Variants in PJA2 observed in about 807,000 individuals in gnomAD.
PJA2 encodes the protein praja ring finger ubiquitin ligase 2.
PJA2 carries 25 observed loss-of-function variants against 69.3 expected under a neutral mutation model. The observed-to-expected ratio is 0.36, with a 90% CI of 0.26 to 0.50. PJA2 has a LOEUF of 0.50. Among genes scored for constraint, PJA2 ranks in the 20% least tolerant of loss-of-function variants. The pLI, the probability that PJA2 is intolerant of heterozygous loss-of-function variation, is 0.96. For synonymous variants in PJA2, 308 were observed against 277.8 expected, an observed-to-expected ratio of 1.11 and a Z score of -1.08; for missense variants, 809 against 830.2, an observed-to-expected ratio of 0.97 and a Z score of 0.31.
chr5:109,379,962 CA>C (rs1486048579), intron 3 of PJA2, among the ~76,000 whole-genome samples: 7 of 151,092 alleles, frequency 4.6e-5, no homozygotes, highest in Non-Finnish European at 1.0e-4. Flanking sequence ...CTTGCATCAC[CA>C]CTAATAAAAA....
At chr5:109,340,623 C>T (rs115097648) in intron 9 of PJA2, among the ~76,000 whole-genome samples, 4,418 of 5,502 alleles carry the variant, frequency 0.8, 1,685 homozygotes, top group Non-Finnish European at 0.82. Context: ...TGGGTCCCTC[C>T]CCCTCCCCCT....
intron 2 of PJA2, among the ~76,000 whole-genome samples, chr5:109,382,330 A>G (rs565473651): frequency 5.3e-5 from 8 of 152,314 alleles, no homozygotes; most frequent in African/African-American, 1.9e-4. Flanking sequence ...AATAAATGGT[A>G]TATGTTATGG....
At chr5:109,358,334 T>G (rs759867289) in intron 6 of PJA2, among the ~76,000 whole-genome samples, 5 of 152,220 alleles carry the variant, frequency 3.3e-5, no homozygotes, top group Non-Finnish European at 5.9e-5. Context: ...GGCCCATCCC[T>G]TCGTTTCCCA....
intron 2 of PJA2, 63 bp downstream of exon 2, chr5:109,383,339 GT>G: frequency 7.1e-7 from 1 of 1,411,554 alleles, no homozygotes; most frequent in East Asian, 2.3e-5. Flanking sequence ...TCACTTACTG[GT>G]ACTCAAGGTA....
At chr5:109,357,663 C>T (rs1164070881) in intron 6 of PJA2, among the ~76,000 whole-genome samples, 1 of 152,192 alleles carries the variant, frequency 6.6e-6, no homozygotes. Flanking sequence ...ATTCAAGTAA[C>T]AGAAGAAACA....
chr5:109,386,063 C>T (rs924070458), intron 1 of PJA2, among the ~76,000 whole-genome samples: 2 of 151,860 alleles, frequency 1.3e-5, no homozygotes, highest in Admixed American at 1.3e-4. Flanking sequence ...CACCTGTAAT[C>T]CCAGCACTTT....
Position 109,337,251 on chromosome 5 carries a change from T to G in PJA2, c.2107A>C (p.Ser703Arg), listed in dbSNP as rs953950186. 6.2e-7 allele frequency: 1 copy of G among 1,613,714 alleles called. No homozygotes were observed. Among genetic ancestry groups the G allele is most frequent in the African/African-American group, 1.3e-5 (1 of 74,886 alleles). The stretch of plus-strand genomic sequence containing the variant: ...AAGGTTTAGGGTGCTTCTGCAATAC[T>G]GTCATTTGAAGGTGGGGCATCAGGA... ...PDPDAPPSND[S>R]IAEAP Residue 703 changes from serine (S) to arginine (R), a missense_variant, in exon 10 of 10, where the codon AGT becomes CGT. By Grantham distance (110) the Ser-to-Arg change is moderately radical. Transcript: ENST00000361189.
At chr5:109,341,123 C>T (rs1490374722) in intron 9 of PJA2, among the ~76,000 whole-genome samples, 1 of 107,978 alleles carries the variant, frequency 9.3e-6, no homozygotes, top group African/African-American at 3.3e-5. Context: ...GTGAGGAGCC[C>T]CTCTGCCTGG....
Position 109,344,827 on chromosome 5 carries a change from A to G in PJA2, c.1765-8T>C. The stretch of plus-strand genomic sequence containing the variant: ...TAAATGGGCCAGAGCAGTCTGAAAA[A>G]CAAAAGGTACAGTTCTTTGTTAGAA... On this transcript the variant is annotated splice_region_variant and splice_polypyrimidine_tract_variant and intron_variant, in intron 7 of 9. Transcript: ENST00000361189. 6.4e-7 allele frequency: 1 copy of G among 1,572,186 alleles called. No homozygotes were observed. The highest frequency in any genetic ancestry group is 8.7e-7 in the Non-Finnish European group (1 of 1,145,376).
rs576321599 is a variant in PJA2, at chr5:109,344,085, G to A, written c.2001+105C>T. On this transcript the variant is annotated intron_variant, in intron 9 of 9. Transcript: ENST00000361189. ...GCACTCCAGCCTAGGTGACAAGAGC[G>A]AAACTTTGTCTCACCAAAAAAAAAA... is the stretch of plus-strand genomic sequence containing the variant. The A allele has an allele frequency of 6.7e-4, 564 of 844,396 alleles. 2 individuals carry two copies. The highest frequency in any genetic ancestry group is 1.9e-3 in the African/African-American group (73 of 39,190). 52.3% of individuals were successfully genotyped at this position (844,396 alleles called of 1,614,324 possible). A position where few individuals can be genotyped will look rare whatever the true frequency, so the allele number is the denominator to read the frequency against.
chr5:109,373,936 A>G (rs1011385831), intron 4 of PJA2, among the ~76,000 whole-genome samples: 3 of 152,182 alleles, frequency 2.0e-5, no homozygotes, highest in African/African-American at 7.2e-5. Context: ...ATAATTCCCC[A>G]AGGTACTTGT....
intron 7 of PJA2, among the ~76,000 whole-genome samples, 198 bp downstream of exon 7, chr5:109,355,717 C>G (rs1762401886): frequency 6.6e-6 from 1 of 152,086 alleles, no homozygotes; most frequent in East Asian, 1.9e-4. Flanking sequence ...CTGAGAAATA[C>G]TGAAATTTAA....
At chr5:109,352,976 GATACCTATATCTATAGATATCTATA>G (rs1463178463) in intron 7 of PJA2, among the ~76,000 whole-genome samples, 15 of 32,566 alleles carry the variant, frequency 4.6e-4, no homozygotes, top group African/African-American at 2.9e-3. Context: ...CTATATATTA[GATACCTATATCTATAGATATCTATA>G]TATTAGATAC....
At chr5:109,365,239 T>C (rs925441580) in intron 5 of PJA2, among the ~76,000 whole-genome samples, 4 of 152,222 alleles carry the variant, frequency 2.6e-5, no homozygotes, top group Non-Finnish European at 5.9e-5. Flanking sequence ...TGTAGTAGTA[T>C]ACAGTAAGTT....
chr5:109,379,016 T>C lies in PJA2; in HGVS notation c.471A>G (p.Gln157=). 6.2e-7 allele frequency: 1 copy of C among 1,614,198 alleles called. No individual in the cohort carries two copies. The highest frequency in any genetic ancestry group is 8.5e-7 in the Non-Finnish European group (1 of 1,180,026). ...IPGACSASSV[Q]NGIALVHTDS... ...CTGTATGAACCAATGCAATTCCATT[T>C]TGGACACTTGAAGCACTACAAGCTC... Residue 157 remains glutamine (Q), a synonymous_variant, in exon 4 of 10, where the codon CAA becomes CAG. Coordinates refer to ENST00000361189, the MANE Select transcript of PJA2 (RefSeq NM_014819.5).
At chr5:109,353,939 T>C (rs1182828903) in intron 7 of PJA2, among the ~76,000 whole-genome samples, 3 of 124,852 alleles carry the variant, frequency 2.4e-5, no homozygotes, top group Non-Finnish European at 5.2e-5. Flanking sequence ...TATCTAGAGA[T>C]ATCTATAGAT....
intron 5 of PJA2, among the ~76,000 whole-genome samples, chr5:109,367,133 C>CAAAAA (rs1163494179): frequency 2.3e-5 from 3 of 131,580 alleles, no homozygotes; most frequent in African/African-American, 8.9e-5. Context: ...GACTCCGTCT[C>CAAAAA]AAAAAAAAAA....
intron 7 of PJA2, among the ~76,000 whole-genome samples, chr5:109,346,004 T>A (rs1258536000): frequency 1.3e-5 from 2 of 152,226 alleles, no homozygotes; most frequent in Non-Finnish European, 2.9e-5. Context: ...TTGGTGCACA[T>A]GCTGCTTCCC....
intron 1 of PJA2, among the ~76,000 whole-genome samples, chr5:109,402,921 C>A (rs1051477688): frequency 6.6e-6 from 1 of 151,864 alleles, no homozygotes; most frequent in African/African-American, 2.4e-5. Context: ...GCACCTCAGG[C>A]AGTGCTTGGA....
Sources: gnomAD v4.1 joint callset for allele counts (sites outside exome capture counted in the v4.1 genomes callset) on GRCh38, gnomAD v4.1.1 for gene constraint, MANE v1.5 for transcripts, NCBI Gene and HGNC (gene_info 2026-07-23, HGNC 2026-07-21) for gene names.